Variants in ENTREP2 observed in about 807,000 individuals in gnomAD.
The protein encoded by ENTREP2 is endosomal transmembrane epsin interactor 2, also known as protein ENTREP2.
At chr15:29,242,375 A>AT in the ENTREP2 span, among the ~76,000 whole-genome samples, 6 of 152,166 alleles carry the variant, frequency 3.9e-5, no homozygotes, top group Non-Finnish European at 5.9e-5. Context: ...GGCCAAAAGA[A>AT]TTTTTTAAAT....
At chr15:29,424,673 G>T in the ENTREP2 span, among the ~76,000 whole-genome samples, 1 of 152,252 alleles carries the variant, frequency 6.6e-6, no homozygotes, top group South Asian at 2.1e-4. Context: ...TATTTATTCC[G>T]TTGGTAACCA....
the ENTREP2 span, among the ~76,000 whole-genome samples, chr15:29,324,896 C>T: frequency 6.6e-6 from 1 of 152,180 alleles, no homozygotes; most frequent in Non-Finnish European, 1.5e-5. Context: ...ACACATTCTT[C>T]TCAAGCTCAC....
chr15:29,444,214 G>GAAAGAAAGAAAGAAAGAAAGAAAGA, the ENTREP2 span, among the ~76,000 whole-genome samples: 7 of 146,114 alleles, frequency 4.8e-5, no homozygotes, highest in African/African-American at 1.6e-4. Flanking sequence ...AAGAAAGAAA[G>GAAAGAAAGAAAGAAAGAAAGAAAGA]AAAGAAAGAA....
the ENTREP2 span, among the ~76,000 whole-genome samples, chr15:29,270,300 G>T: frequency 6.6e-6 from 1 of 152,202 alleles, no homozygotes; most frequent in Non-Finnish European, 1.5e-5. Context: ...ATGCCCCGTG[G>T]AGTCTGTTAA....
At chr15:29,435,826 C>T in the ENTREP2 span, among the ~76,000 whole-genome samples, 2 of 152,004 alleles carry the variant, frequency 1.3e-5, no homozygotes, top group African/African-American at 4.8e-5. Flanking sequence ...TCCCAGTTTG[C>T]CCTGGAGTTT....
chr15:29,653,719 A>G, the ENTREP2 span, among the ~76,000 whole-genome samples: 1 of 152,154 alleles, frequency 6.6e-6, no homozygotes. Context: ...TTTCCTTTAT[A>G]AGTTACCCAG....
the ENTREP2 span, among the ~76,000 whole-genome samples, chr15:29,485,244 C>A: frequency 6.6e-6 from 1 of 152,134 alleles, no homozygotes. Context: ...GAGGAAGGCC[C>A]TGTGGTGTTT....
chr15:29,382,061 G>A, the ENTREP2 span, among the ~76,000 whole-genome samples: 65 of 152,246 alleles, frequency 4.3e-4, no homozygotes, highest in Non-Finnish European at 7.1e-4. Context: ...ACTGCACTAG[G>A]TGGCCCGAGA....
the ENTREP2 span, among the ~76,000 whole-genome samples, chr15:29,541,354 G>A: frequency 1.3e-5 from 2 of 152,210 alleles, no homozygotes; most frequent in South Asian, 2.1e-4. Context: ...GATGGACACA[G>A]CTACCAAGGC....
At chr15:29,607,300 ATTTC>A in the ENTREP2 span, among the ~76,000 whole-genome samples, 2 of 123,926 alleles carry the variant, frequency 1.6e-5, no homozygotes, top group East Asian at 4.5e-4. Context: ...TTCTCTCTTC[ATTTC>A]TTTTTTTTTT....
chr15:29,258,759 T>A, the ENTREP2 span, among the ~76,000 whole-genome samples: 1 of 152,190 alleles, frequency 6.6e-6, no homozygotes, highest in African/African-American at 2.4e-5. Context: ...TCCTAGCCCC[T>A]AGCAATCACC....
chr15:29,446,820 A>C, the ENTREP2 span, among the ~76,000 whole-genome samples: 1 of 152,164 alleles, frequency 6.6e-6, no homozygotes. Flanking sequence ...GTTGTCAGCC[A>C]CCTTCCTCCA....
the ENTREP2 span, among the ~76,000 whole-genome samples, chr15:29,646,860 C>A: frequency 6.6e-6 from 1 of 152,114 alleles, no homozygotes; most frequent in East Asian, 1.9e-4. Context: ...ATCCTGAACC[C>A]TACTGCAATA....
At chr15:29,649,954 G>A in the ENTREP2 span, among the ~76,000 whole-genome samples, 1 of 152,020 alleles carries the variant, frequency 6.6e-6, no homozygotes, top group Admixed American at 6.6e-5. Flanking sequence ...CTAGAGATGT[G>A]AAAGGTATAT....
At chr15:29,531,232 G>A in the ENTREP2 span, among the ~76,000 whole-genome samples, 3 of 152,206 alleles carry the variant, frequency 2.0e-5, no homozygotes, top group Non-Finnish European at 4.4e-5. Flanking sequence ...TAGGGGACGG[G>A]AAGCCAGCAA....
chr15:29,418,242 T>C, the ENTREP2 span, among the ~76,000 whole-genome samples: 1 of 152,188 alleles, frequency 6.6e-6, no homozygotes, highest in African/African-American at 2.4e-5. Context: ...ACAAATGCAT[T>C]AGCATTTAAT....
chr15:29,557,684 A>G, the ENTREP2 span, among the ~76,000 whole-genome samples: 1 of 152,190 alleles, frequency 6.6e-6, no homozygotes, highest in Non-Finnish European at 1.5e-5. Flanking sequence ...GCCAAAAAGG[A>G]ATAAATGACA....
the ENTREP2 span, among the ~76,000 whole-genome samples, chr15:29,442,234 T>C: frequency 6.6e-6 from 1 of 152,166 alleles, no homozygotes; most frequent in African/African-American, 2.4e-5. Flanking sequence ...TTATAAAAAC[T>C]GGTATGGGGT....
chr15:29,577,699 T>C, the ENTREP2 span, among the ~76,000 whole-genome samples: 2 of 152,166 alleles, frequency 1.3e-5, no homozygotes, highest in African/African-American at 2.4e-5. Flanking sequence ...CATCCTTGGA[T>C]GAATGGATAA....
Sources: allele counts gnomAD v4.1 joint callset (sites outside exome capture counted in the v4.1 genomes callset), GRCh38; gene constraint gnomAD v4.1.1; transcripts MANE v1.5; gene names NCBI Gene and HGNC (gene_info 2026-07-23, HGNC 2026-07-21).